HECTD4: variants seen among roughly 807,000 people sequenced by gnomAD.
HECTD4 encodes the protein HECT domain E3 ubiquitin protein ligase 4.
A neutral mutation model predicts 471.5 loss-of-function variants in HECTD4; 114 were observed. The ratio of observed to expected loss-of-function variants is 0.24; its 90% CI spans 0.21 to 0.28. The LOEUF is 0.28. Among genes scored for constraint, HECTD4 ranks in the 10% least tolerant of loss-of-function variants. HECTD4 has a pLI of 1.00. For synonymous variants in HECTD4, 2,012 were observed against 2,256.0 expected (o/e 0.89, Z 3.07); for missense variants, 3,866 against 5,651.5 (o/e 0.68, Z 10.13).
chr12:112,178,144 A>C (rs1291913455), intron 64 of HECTD4, among the ~76,000 whole-genome samples: 5 of 152,084 alleles, frequency 3.3e-5, no homozygotes, highest in Non-Finnish European at 5.9e-5. Flanking sequence ...GGCTCACTGC[A>C]GCCTCGACCT....
In HECTD4 at chr12:112,178,973, G is replaced by C. The variant is rs1323174046; in HGVS notation, c.11321C>G (p.Thr3774Ser). 1 of 1,612,956 alleles carries C rather than the reference G, an allele frequency of 6.2e-7. No individual in the cohort carries two copies. Among genetic ancestry groups the C allele is most frequent in the Admixed American group, 1.7e-5 (1 of 59,918 alleles). ...VKVVSTKRPI[T>S]KPPAKDKAVL... ...AGCCTTGTCCTTGGCGGGCGGCTTG[G>C]TGATAGGCCGCTTGGTGCTCACCAC... Residue 3774 changes from threonine to serine, a missense_variant, in exon 64 of 76, where the codon ACC becomes AGC. This residue lies in a region of HECTD4 where 715 missense variants were observed against 1,087.6 expected (regional missense o/e 0.66). Coordinates refer to ENST00000682272, the MANE Select transcript of HECTD4 (RefSeq NM_001388303.1).
chr12:112,222,662 G>A (rs1038134839), intron 44 of HECTD4, among the ~76,000 whole-genome samples: 2 of 152,044 alleles, frequency 1.3e-5, no homozygotes, highest in African/African-American at 4.8e-5. Context: ...GTGAGACTCT[G>A]TCTTTTAAAA....
chr12:112,332,372 A>AC (rs1370199607), intron 1 of HECTD4, among the ~76,000 whole-genome samples: 1 of 151,846 alleles, frequency 6.6e-6, no homozygotes, highest in Non-Finnish European at 1.5e-5. Flanking sequence ...CCCCATCTCT[A>AC]CTAAAAATAC....
At chr12:112,339,629 T>C (rs1468251) in intron 1 of HECTD4, among the ~76,000 whole-genome samples, 35,672 of 151,832 alleles carry the variant, frequency 0.23, 6,859 homozygotes, top group East Asian at 0.85. Flanking sequence ...AAATGGCTAC[T>C]CAAAAGATAG....
intron 70 of HECTD4, among the ~76,000 whole-genome samples, chr12:112,168,156 CCTGT>C (rs1315982321): frequency 3.3e-5 from 5 of 152,210 alleles, no homozygotes; most frequent in East Asian, 1.9e-4. Context: ...GGCTCAGTCA[CCTGT>C]CTGTCAAATG....
At chr12:112,342,501 T>C (rs2036071175) in intron 1 of HECTD4, among the ~76,000 whole-genome samples, 1 of 152,146 alleles carries the variant, frequency 6.6e-6, no homozygotes, top group Non-Finnish European at 1.5e-5. Flanking sequence ...AAATGTAATC[T>C]AGTTTTTATG....
chr12:112,199,292 A>G (rs1361350322), intron 55 of HECTD4, among the ~76,000 whole-genome samples: 1 of 152,188 alleles, frequency 6.6e-6, no homozygotes, highest in African/African-American at 2.4e-5. Flanking sequence ...AAGCTAAGAA[A>G]GTCATATGTG....
Position 112,273,758 on chromosome 12 carries a change from T to C in HECTD4, c.1839A>G (p.Thr613=). 1 of 1,614,018 alleles carries C rather than the reference T, an allele frequency of 6.2e-7. No individual in the cohort carries two copies. The highest frequency in any genetic ancestry group is 8.5e-7 in the Non-Finnish European group (1 of 1,179,876). ...ACTGATCGATATAGTCATTTGAGCA[T>C]GTCCATAGCATGTTGTTCACTGTGT... The part of the protein sequence containing the change: ...CYDTVNNMLW[T]CSNDYIDQWC... Residue 613 remains threonine (T), a synonymous_variant, in exon 11 of 76, where the codon ACA becomes ACG. Coordinates refer to ENST00000682272, the MANE Select transcript of HECTD4 (RefSeq NM_001388303.1).
At position 112,185,296 on chromosome 12, in the gene HECTD4, C is replaced by T; in HGVS notation, c.9670G>A (p.Asp3224Asn). 6.4e-7 allele frequency: 1 copy of T among 1,559,786 alleles called. No homozygotes were observed. The highest frequency in any genetic ancestry group is 8.7e-7 in the Non-Finnish European group (1 of 1,151,916). Reference sequence around the variant, plus strand: ...GAGACCCAGTTCTGCGTCTCCTCGTCGTACAGCTTGTGGAGCTCCGACTGC... The same window carrying T: ...GAGACCCAGTTCTGCGTCTCCTCGTTGTACAGCTTGTGGAGCTCCGACTGC... ...ALQSELHKLY[D>N]EETQNWVSGG... The change falls in exon 61 of 76, where the codon GAC (aspartate) becomes AAC (asparagine). Residue 3224 changes from aspartate (D) to asparagine (N), a missense_variant. Asp to Asn is a conservative substitution (Grantham distance 23). Transcript: ENST00000682272.
intron 1 of HECTD4, among the ~76,000 whole-genome samples, chr12:112,367,260 C>A (rs1437274607): frequency 2.0e-5 from 3 of 146,974 alleles, no homozygotes; most frequent in East Asian, 2.0e-4. Flanking sequence ...GATTGTGCCA[C>A]TGCACTCCAG....
chr12:112,315,998 A>G (rs1249981180), intron 2 of HECTD4, among the ~76,000 whole-genome samples: 1 of 152,088 alleles, frequency 6.6e-6, no homozygotes, highest in African/African-American at 2.4e-5. Context: ...TAGCCTCCCA[A>G]AGTGCTGAAA....
At position 112,210,218 on chromosome 12, in the gene HECTD4, G is replaced by A. The variant is rs751897972; in HGVS notation, c.7664C>T (p.Pro2555Leu). 13 of 1,613,844 alleles carry A rather than the reference G, an allele frequency of 8.1e-6. No individual in the cohort carries two copies. The East Asian group carries it at 8.9e-5, about 11-fold the overall frequency. Residue 2555 changes from proline (P) to leucine (L), a missense_variant, in exon 50 of 76, where the codon CCG (proline) becomes CTG (leucine). Pro to Leu is a moderately conservative substitution (Grantham distance 98, BLOSUM62 -3). Around this residue, in one of 16 missense-constraint regions of HECTD4, gnomAD observed 617 missense variants for 915.1 expected, o/e 0.67. Transcript: ENST00000682272. The stretch of plus-strand genomic sequence containing the variant: ...GGCCTGCCCTTCCGCGTAGGCAAAC[G>A]GCCGGGAGCCAAAGTTAGCTCGGGT... Reference protein sequence around the residue: ...TKTRANFGSRPFAYAEGQAHR... With the variant: ...TKTRANFGSRLFAYAEGQAHR...
intron 40 of HECTD4, among the ~76,000 whole-genome samples, chr12:112,230,441 G>A (rs2033351340): frequency 6.6e-6 from 1 of 152,038 alleles, no homozygotes; most frequent in African/African-American, 2.4e-5. Context: ...GAGAAACAAG[G>A]CCTGTCACTC....
chr12:112,336,577 A>G (rs2035962845), intron 1 of HECTD4, among the ~76,000 whole-genome samples: 1 of 151,852 alleles, frequency 6.6e-6, no homozygotes, highest in South Asian at 2.1e-4. Context: ...TACTGCCAAT[A>G]TATTTAATTA....
At chr12:112,249,655 A>G (rs2033835061) in intron 25 of HECTD4, 2 of 154,708 alleles carry the variant, frequency 1.3e-5, no homozygotes. Context: ...TTAAGCAAGA[A>G]TACCACAGAC....
In HECTD4 at chr12:112,232,026, A is replaced by G. The variant is rs2033392960; in HGVS notation, c.5998-311T>C. 2.0e-5 allele frequency among the ~76,000 whole-genome samples: 3 copies of G among 152,250 alleles called. No homozygotes were observed. In the South Asian group the frequency reaches 6.2e-4, roughly 32 times the overall value. The stretch of plus-strand genomic sequence containing the variant: ...CGCGGAGACTCTTCCACATCAATAC[A>G]CAGAGATCTACCTCATTGTTTTTCA... On this transcript the variant is annotated intron_variant, in intron 38 of 75. Coordinates refer to ENST00000682272, the MANE Select transcript of HECTD4 (RefSeq NM_001388303.1).
intron 17 of HECTD4, among the ~76,000 whole-genome samples, chr12:112,263,532 T>G (rs993092721): frequency 6.6e-5 from 10 of 152,088 alleles, no homozygotes; most frequent in Non-Finnish European, 1.5e-4. Flanking sequence ...AGTTAGTGAG[T>G]TTACACAGAA....
At chr12:112,192,863 T>A (rs1239978375) in intron 58 of HECTD4, 98 bp from the exon 59 acceptor site, 2 of 1,228,848 alleles carry the variant, frequency 1.6e-6, no homozygotes, top group African/African-American at 3.0e-5. Context: ...AGATGAGAAC[T>A]GGGCCCAAGT....
rs777328391 is a variant in HECTD4, at chr12:112,261,409, C to T, written c.2769G>A (p.Leu923=). 8.7e-6 allele frequency: 14 copies of T among 1,608,368 alleles called. No individual in the cohort carries two copies. Among genetic ancestry groups the T allele is most frequent in the Non-Finnish European group, 1.2e-5 (14 of 1,175,302 alleles). The change falls in exon 18 of 76, where the codon TTG becomes TTA. Residue 923 remains leucine, a synonymous_variant. Transcript: ENST00000682272. ...CAGTCAGGATTTGGGTGGCAAGAGC[C>T]AAAATACTGACTTTTAGCTCCTAGG... is the stretch of plus-strand genomic sequence containing the variant. The part of the protein sequence containing the change: ...LKVQELKVSI[L]ALATQILTGC...
Sources: allele counts gnomAD v4.1 joint callset (sites outside exome capture counted in the v4.1 genomes callset), GRCh38; gene constraint gnomAD v4.1.1; regional missense constraint gnomAD v4.1.1; transcripts MANE v1.5; gene names NCBI Gene and HGNC (gene_info 2026-07-23, HGNC 2026-07-21).